Variants in TIMD4 observed in about 807,000 individuals in gnomAD.
TIMD4 encodes the protein T-cell immunoglobulin and mucin domain-containing protein 4.
TIMD4 carries 31 observed loss-of-function variants against 41.2 expected under a neutral mutation model. The observed-to-expected ratio is 0.75, with a 90% CI of 0.57 to 1.01. TIMD4 has a LOEUF of 1.01. Among genes scored for constraint, TIMD4 ranks in the 50% least tolerant of loss-of-function variants. The pLI, the probability that TIMD4 is intolerant of heterozygous loss-of-function variation, is 0.00. For missense variants in TIMD4, 479 were observed against 472.5 expected (o/e 1.01, Z -0.13); for synonymous variants, 204 against 177.1 (o/e 1.15, Z -1.21).
chr5:156,956,228 T>G (rs1469929160), intron 1 of TIMD4, among the ~76,000 whole-genome samples: 1 of 152,294 alleles, frequency 6.6e-6, no homozygotes, highest in East Asian at 1.9e-4. Context: ...AGATCTTCTA[T>G]TTGTCTTTCT....
chr5:156,948,939 C>A (rs1001502472), intron 4 of TIMD4, among the ~76,000 whole-genome samples: 1 of 152,170 alleles, frequency 6.6e-6, no homozygotes, highest in Admixed American at 6.5e-5. Flanking sequence ...TAACACCTCC[C>A]ATGTGAGTGC....
At chr5:156,924,218 C>A in intron 6 of TIMD4, 1 of 429,038 alleles carries the variant, frequency 2.3e-6, no homozygotes, top group Non-Finnish European at 4.6e-6. Context: ...TCCCCAAAAT[C>A]CCATGAAGGT....
chr5:156,921,616 C>CAAAAAAAAAAAAAAAAA (rs66842169), intron 7 of TIMD4, among the ~76,000 whole-genome samples: 1 of 47,270 alleles, frequency 2.1e-5, no homozygotes, highest in Non-Finnish European at 4.0e-5. Flanking sequence ...GAGACTCTCT[C>CAAAAAAAAAAAAAAAAA]AAAAAAAAAA....
intron 5 of TIMD4, among the ~76,000 whole-genome samples, chr5:156,947,447 CAG>C (rs1473540496): frequency 1.3e-5 from 2 of 152,180 alleles, no homozygotes; most frequent in African/African-American, 4.8e-5. Flanking sequence ...ATCCTAACTA[CAG>C]AAACACTTGC....
intron 4 of TIMD4, among the ~76,000 whole-genome samples, chr5:156,948,840 T>C (rs985292316): frequency 6.6e-6 from 1 of 152,250 alleles, no homozygotes; most frequent in Admixed American, 6.5e-5. Context: ...TCTATCATAC[T>C]GTGTCCCTGT....
chr5:156,922,262 C>T, intron 6 of TIMD4, 46 bp from the exon 7 acceptor site: 1 of 1,425,822 alleles, frequency 7.0e-7, no homozygotes, highest in Non-Finnish European at 9.9e-7. Context: ...CTGCTAGATG[C>T]CACCCTCACA....
At chr5:156,938,547 G>A (rs750392597) in intron 5 of TIMD4, among the ~76,000 whole-genome samples, 1 of 152,054 alleles carries the variant, frequency 6.6e-6, no homozygotes, top group Non-Finnish European at 1.5e-5. Context: ...AGATCTGATT[G>A]TTCTCACACC....
chr5:156,933,036 T>C (rs1426955869), intron 5 of TIMD4, among the ~76,000 whole-genome samples: 1 of 131,970 alleles, frequency 7.6e-6, no homozygotes, highest in Non-Finnish European at 1.6e-5. Flanking sequence ...GAAAAGAAAA[T>C]GGTTTAAATA....
rs140867089 is a variant in TIMD4, at chr5:156,951,665, C to T, written c.526G>A (p.Asp176Asn). 2.2e-4 allele frequency: 355 copies of T among 1,613,724 alleles called. No individual in the cohort carries two copies. The highest frequency in any genetic ancestry group is 2.8e-4 in the Non-Finnish European group (334 of 1,179,968). The change falls in exon 3 of 9, where the codon GAT becomes AAT. Residue 176 changes from aspartate to asparagine, a missense_variant. Physicochemically the swap from Asp to Asn is conservative, Grantham distance 23 (BLOSUM62 1). Transcript: ENST00000274532. ...ALPTTVVTTPDLTTGTPLQMT... is the reference protein window; with the variant it reads ...ALPTTVVTTPNLTTGTPLQMT... Reference sequence around the variant, plus strand: ...TGGAGTGGTGTTCCGGTTGTGAGATCGGGTGTGGTCACGACTGTTGTTGGA... The same window carrying T: ...TGGAGTGGTGTTCCGGTTGTGAGATTGGGTGTGGTCACGACTGTTGTTGGA...
chr5:156,943,295 C>A (rs549968682), intron 5 of TIMD4, among the ~76,000 whole-genome samples: 1 of 152,196 alleles, frequency 6.6e-6, no homozygotes, highest in Non-Finnish European at 1.5e-5. Context: ...GCATTTTTCT[C>A]ATGCATTTTC....
Position 156,951,695 on chromosome 5 carries a change from C to T in TIMD4, c.496G>A (p.Ala166Thr). 6.2e-7 allele frequency: 1 copy of T among 1,614,026 alleles called. No homozygotes were observed. Among genetic ancestry groups the T allele is most frequent in the Non-Finnish European group, 8.5e-7 (1 of 1,180,016 alleles). ...TTRQMTTTPA[A>T]LPTTVVTTPD... ...GTGGTCACGACTGTTGTTGGAAGTG[C>T]AGCTGGGGTTGTTGTCATTTGTCGG... Residue 166 changes from alanine to threonine, a missense_variant, in exon 3 of 9, where the codon GCA becomes ACA. By Grantham distance (58) the Ala-to-Thr change is moderately conservative. Transcript: ENST00000274532.
At chr5:156,946,314 A>T (rs1299927302) in intron 5 of TIMD4, among the ~76,000 whole-genome samples, 1 of 152,156 alleles carries the variant, frequency 6.6e-6, no homozygotes, top group African/African-American at 2.4e-5. Flanking sequence ...CCCTTAAATT[A>T]TCAACTCCTA....
rs112945347 is a variant in TIMD4, at chr5:156,922,160, C to A, written c.951G>T (p.Met317Ile). The change falls in exon 7 of 9, where the codon ATG (methionine) becomes ATT (isoleucine). Residue 317 changes from methionine (M) to isoleucine (I), a missense_variant. Transcript: ENST00000274532. ...KNEMPISQLL[M>I]IIAPSLGFVL... ...CAAATCCCAAGGAGGGGGCGATGAT[C>A]ATCAGTAGTTGGGAGATGGGCATTT... 34 of 1,613,938 alleles carry A rather than the reference C, an allele frequency of 2.1e-5. No homozygotes were observed. In the African/African-American group the frequency reaches 2.4e-4, roughly 11 times the overall value.
At position 156,936,193 on chromosome 5, in the gene TIMD4, C is replaced by T. The variant is rs191281550; in HGVS notation, c.845-9881G>A. Reference sequence around the variant, plus strand: ...GATAAAGGCTGCAGTGAGCCATGATCACACCACTGCACTCCAGCCTGAGCT... The same window carrying T: ...GATAAAGGCTGCAGTGAGCCATGATTACACCACTGCACTCCAGCCTGAGCT... On this transcript the variant is annotated intron_variant, in intron 5 of 8. Transcript: ENST00000274532. 2.3e-3 allele frequency among the ~76,000 whole-genome samples: 350 copies of T among 152,258 alleles called. 2 individuals carry two copies. Among genetic ancestry groups the T allele is most frequent in the African/African-American group, 8.2e-3 (340 of 41,554 alleles).
intron 5 of TIMD4, among the ~76,000 whole-genome samples, chr5:156,941,542 T>A (rs1019308994): frequency 1.3e-5 from 2 of 152,186 alleles, no homozygotes; most frequent in African/African-American, 4.8e-5. Context: ...CTTCCCTCCT[T>A]AATAGCATTT....
At chr5:156,946,654 T>A (rs1759749451) in intron 5 of TIMD4, among the ~76,000 whole-genome samples, 1 of 138,696 alleles carries the variant, frequency 7.2e-6, no homozygotes, top group African/African-American at 2.8e-5. Context: ...TTTTTTTGTA[T>A]TTTTTTTTTT....
intron 5 of TIMD4, among the ~76,000 whole-genome samples, chr5:156,940,419 C>T (rs546423710): frequency 6.6e-6 from 1 of 151,530 alleles, no homozygotes; most frequent in Non-Finnish European, 1.5e-5. Context: ...GGCCGCCCAT[C>T]GTCTGGGATG....
intron 1 of TIMD4, among the ~76,000 whole-genome samples, chr5:156,955,452 C>T (rs761628457): frequency 2.0e-5 from 3 of 152,094 alleles, no homozygotes; most frequent in African/African-American, 4.8e-5. Flanking sequence ...GTCAGGAGAT[C>T]GAGACCATCC....
intron 5 of TIMD4, among the ~76,000 whole-genome samples, chr5:156,943,616 C>T (rs542255007): frequency 1.3e-5 from 2 of 152,278 alleles, no homozygotes; most frequent in East Asian, 3.9e-4. Context: ...AACTTAATCC[C>T]AGCCCACCTG....
Sources: allele counts gnomAD v4.1 joint callset (sites outside exome capture counted in the v4.1 genomes callset), GRCh38; gene constraint gnomAD v4.1.1; transcripts MANE v1.5; gene names NCBI Gene and HGNC (gene_info 2026-07-23, HGNC 2026-07-21).